Variants in ADAMTSL3 observed in about 807,000 individuals in gnomAD.
ADAMTSL3 encodes ADAMTS-like protein 3.
In ADAMTSL3, 128 loss-of-function variants were observed where a neutral mutation model predicts 201.7. The ratio of observed to expected loss-of-function variants is 0.63; its 90% CI spans 0.55 to 0.73. ADAMTSL3 has a LOEUF of 0.73. ADAMTSL3 is among the 30% of genes least tolerant of loss of function. The pLI, the probability that ADAMTSL3 is intolerant of heterozygous loss-of-function variation, is 0.00. For missense variants in ADAMTSL3, 1,990 were observed against 2,119.6 expected (o/e 0.94, Z 1.20); for synonymous variants, 738 against 748.4 (o/e 0.99, Z 0.23).
intron 19 of ADAMTSL3, among the ~76,000 whole-genome samples, chr15:83,943,294 A>G (rs931746532): frequency 2.0e-5 from 3 of 152,108 alleles, no homozygotes; most frequent in Admixed American, 6.6e-5. Flanking sequence ...TTTTTACTCA[A>G]TATTATTCAA....
chr15:83,704,372 A>G lies in ADAMTSL3; in HGVS notation c.70-17A>G. ...TTACTGGAGCCTTATTTGTGACCAA[A>G]TGATCTTGTTTTTCAGACCACAGCT... is the stretch of plus-strand genomic sequence containing the variant. On this transcript the variant is annotated splice_polypyrimidine_tract_variant and intron_variant, in intron 2 of 29. Coordinates refer to ENST00000286744, the MANE Select transcript of ADAMTSL3 (RefSeq NM_207517.3). 1 of 1,614,098 alleles carries G rather than the reference A, an allele frequency of 6.2e-7. No homozygotes were observed. The highest frequency in any genetic ancestry group is 1.1e-5 in the South Asian group (1 of 91,066).
chr15:83,831,955 T>C (rs1176865042), intron 6 of ADAMTSL3, among the ~76,000 whole-genome samples: 1 of 152,070 alleles, frequency 6.6e-6, no homozygotes, highest in African/African-American at 2.4e-5. Flanking sequence ...GGTAGAAATA[T>C]ACAATGAATG....
chr15:84,018,412 G>A (rs2068127393), intron 25 of ADAMTSL3, among the ~76,000 whole-genome samples: 1 of 152,148 alleles, frequency 6.6e-6, no homozygotes, highest in Non-Finnish European at 1.5e-5. Flanking sequence ...ATTCCAGTAG[G>A]AAAGATGCAC....
At chr15:83,937,555 G>A (rs970356793) in intron 17 of ADAMTSL3, among the ~76,000 whole-genome samples, 2 of 150,678 alleles carry the variant, frequency 1.3e-5, no homozygotes, top group Non-Finnish European at 2.9e-5. Flanking sequence ...GTACCTACCA[G>A]GTACTATGCT....
intron 2 of ADAMTSL3, among the ~76,000 whole-genome samples, chr15:83,703,827 T>C (rs2061808561): frequency 6.6e-6 from 1 of 152,150 alleles, no homozygotes; most frequent in African/African-American, 2.4e-5. Flanking sequence ...CAAAGCATTA[T>C]GAAGAAAAAG....
At chr15:83,888,324 T>C (rs550202072) in intron 10 of ADAMTSL3, among the ~76,000 whole-genome samples, 1 of 152,314 alleles carries the variant, frequency 6.6e-6, no homozygotes, top group African/African-American at 2.4e-5. Context: ...AAGAGGAAAA[T>C]TAATTGTCTC....
At chr15:83,655,191 G>A (rs541635994) in intron 1 of ADAMTSL3, among the ~76,000 whole-genome samples, 1 of 152,274 alleles carries the variant, frequency 6.6e-6, no homozygotes, top group Non-Finnish European at 1.5e-5. Flanking sequence ...GCTCTCAGGC[G>A]TCTCTCTGGG....
intron 2 of ADAMTSL3, among the ~76,000 whole-genome samples, chr15:83,670,255 C>A (rs2061312709): frequency 1.9e-5 from 1 of 51,380 alleles, no homozygotes; most frequent in South Asian, 1.3e-3. Flanking sequence ...GAGACTCTGT[C>A]TCCAAAAAAA....
intron 3 of ADAMTSL3, among the ~76,000 whole-genome samples, chr15:83,713,921 A>G: frequency 6.6e-6 from 1 of 152,096 alleles, no homozygotes; most frequent in East Asian, 1.9e-4. Context: ...TTGCCTGCTC[A>G]TGCTTGGAGT....
chr15:83,882,827 G>A (rs2065301491), intron 9 of ADAMTSL3, among the ~76,000 whole-genome samples: 1 of 151,940 alleles, frequency 6.6e-6, no homozygotes. Flanking sequence ...TCATATTTTT[G>A]TATGTGATAA....
intron 2 of ADAMTSL3, among the ~76,000 whole-genome samples, chr15:83,661,898 G>A (rs1429762173): frequency 6.9e-6 from 1 of 145,908 alleles, no homozygotes; most frequent in African/African-American, 2.6e-5. Flanking sequence ...AGTTAGAATG[G>A]CAATCATTAA....
chr15:83,891,231 G>A (rs2065492690), intron 11 of ADAMTSL3, 98 bp from the exon 12 acceptor site: 1 of 1,049,568 alleles, frequency 9.5e-7, no homozygotes, highest in South Asian at 1.4e-5. Context: ...CAATTTGGAA[G>A]AGCTCTGTCT....
At chr15:83,870,634 A>G (rs2065063092) in intron 8 of ADAMTSL3, among the ~76,000 whole-genome samples, 168 bp from the exon 9 acceptor site, 1 of 152,236 alleles carries the variant, frequency 6.6e-6, no homozygotes, top group African/African-American at 2.4e-5. Context: ...ACGGGCAATT[A>G]AAAATCTGAT....
chr15:83,709,497 C>G (rs961637997), intron 3 of ADAMTSL3, among the ~76,000 whole-genome samples: 8 of 152,122 alleles, frequency 5.3e-5, no homozygotes, highest in Non-Finnish European at 8.8e-5. Context: ...AGGCAAACAG[C>G]TGGATATTGG....
intron 7 of ADAMTSL3, among the ~76,000 whole-genome samples, chr15:83,852,688 T>A (rs1387659737): frequency 6.6e-6 from 1 of 152,218 alleles, no homozygotes; most frequent in African/African-American, 2.4e-5. Flanking sequence ...TTGTAAACAC[T>A]CTGGATATTA....
At chr15:83,745,563 C>T (rs74024556) in intron 3 of ADAMTSL3, among the ~76,000 whole-genome samples, 3,339 of 152,140 alleles carry the variant, frequency 0.022, 125 homozygotes, top group African/African-American at 0.074. Flanking sequence ...GCACTTGCCC[C>T]GGCTCCTGCA....
intron 2 of ADAMTSL3, among the ~76,000 whole-genome samples, chr15:83,703,968 G>A (rs2061810500): frequency 7.3e-6 from 1 of 136,572 alleles, no homozygotes; most frequent in Non-Finnish European, 1.5e-5. Context: ...TTTTGTTGTA[G>A]TATGGGAGAA....
chr15:83,997,794 A>G (rs960122295), intron 23 of ADAMTSL3, among the ~76,000 whole-genome samples: 2 of 152,136 alleles, frequency 1.3e-5, no homozygotes, highest in African/African-American at 4.8e-5. Context: ...TGGACCTATC[A>G]CATAGTTTCC....
At chr15:83,731,234 C>G (rs77847557) in intron 3 of ADAMTSL3, among the ~76,000 whole-genome samples, 10,826 of 151,940 alleles carry the variant, frequency 0.071, 661 homozygotes, top group South Asian at 0.26. Flanking sequence ...TTCCAACTAA[C>G]TGGATTAAAA....
Sources: allele counts gnomAD v4.1 joint callset (sites outside exome capture counted in the v4.1 genomes callset), GRCh38; gene constraint gnomAD v4.1.1; transcripts MANE v1.5; gene names NCBI Gene and HGNC (gene_info 2026-07-23, HGNC 2026-07-21).